Variants in GMFB observed in about 807,000 individuals in gnomAD.
The protein encoded by GMFB is glia maturation factor beta.
A neutral mutation model predicts 25.6 loss-of-function variants in GMFB; 13 were observed. That is an observed-to-expected ratio of 0.51 (90% CI 0.33 to 0.81). GMFB has a LOEUF of 0.81. Among genes scored for constraint, GMFB ranks in the 30% least tolerant of loss-of-function variants. The probability of loss-of-function intolerance (pLI) is 0.02; values close to 1 mark genes in which losing one functional copy is unlikely to be tolerated. For missense variants in GMFB, 146 were observed against 175.4 expected, an observed-to-expected ratio of 0.83 and a Z score of 0.95; for synonymous variants, 57 against 56.9, an observed-to-expected ratio of 1.00 and a Z score of 0.00.
chr14:54,477,188 A>G lies in GMFB; in HGVS notation c.*900T>C, dbSNP rs2031651875. On this transcript the variant is annotated 3_prime_UTR_variant, in exon 7 of 7. Coordinates refer to ENST00000358056, the MANE Select transcript of GMFB (RefSeq NM_004124.3). ...ATTACAAATTTCAGATATACACATT[A>G]GAAAATTATTTTATTTGGACCCTTT... is the stretch of plus-strand genomic sequence containing the variant. The G allele has an allele frequency of 6.6e-6, 1 of 152,504 alleles. No individual in the cohort carries two copies. Among genetic ancestry groups the G allele is most frequent in the African/African-American group, 2.4e-5 (1 of 41,458 alleles). The allele number at this position is 152,504 out of a possible 1,614,324, so 9.4% of individuals were successfully genotyped here.
chr14:54,476,465 G>T lies in GMFB; in HGVS notation c.*1623C>A, dbSNP rs1303539718. On this transcript the variant is annotated 3_prime_UTR_variant, in exon 7 of 7. Transcript: ENST00000358056. ...TCCAATATCAAAATACCTGTTTAAAGAATTTTTAAACTTCCTGGGTGAGTT... is the reference window on the plus strand; with the variant it reads ...TCCAATATCAAAATACCTGTTTAAATAATTTTTAAACTTCCTGGGTGAGTT... The T allele has an allele frequency of 6.6e-6, 1 of 151,832 alleles. No homozygotes were observed. The highest frequency in any genetic ancestry group is 2.4e-5 in the African/African-American group (1 of 41,350). The allele number at this position is 151,832 out of a possible 1,614,324, so 9.4% of individuals were successfully genotyped here.
At position 54,483,976 on chromosome 14, in the gene GMFB, T is replaced by C. The variant is rs1319443209; in HGVS notation, c.4-209A>G. On this transcript the variant is annotated intron_variant, in intron 1 of 6. Coordinates refer to ENST00000358056, the MANE Select transcript of GMFB (RefSeq NM_004124.3). ...TAATCCTACAAATTTGTTCATCTCA[T>C]ATATGTAAGGTATATTTTAACTTTC... 9 of 661,712 alleles carry C rather than the reference T, an allele frequency of 1.4e-5. No homozygotes were observed. In the South Asian group the frequency reaches 1.4e-4, roughly 10 times the overall value. The allele number at this position is 661,712 out of a possible 1,614,324, so 41.0% of individuals were successfully genotyped here. A position where few individuals can be genotyped will look rare whatever the true frequency, so the allele number is the denominator to read the frequency against.
chr14:54,482,222 T>G lies in GMFB; in HGVS notation c.101-20A>C. 1 of 1,559,676 alleles carries G rather than the reference T, an allele frequency of 6.4e-7. No homozygotes were observed. The highest frequency in any genetic ancestry group is 8.8e-7 in the Non-Finnish European group (1 of 1,130,896). On this transcript the variant is annotated intron_variant, in intron 2 of 6. Coordinates refer to ENST00000358056, the MANE Select transcript of GMFB (RefSeq NM_004124.3). ...TCTTCACTAAAATAAAAATCAAGTA[T>G]GAGTAAGCTGGGATTCTAATGTGAC...
rs561888457 is a variant in GMFB, at chr14:54,488,891, C to A, written c.3+34G>T. 4 of 1,548,570 alleles carry A rather than the reference C, an allele frequency of 2.6e-6. No individual in the cohort carries two copies. The African/African-American group carries it at 4.3e-5, about 17-fold the overall frequency. On this transcript the variant is annotated intron_variant, in intron 1 of 6. Transcript: ENST00000358056. The stretch of plus-strand genomic sequence containing the variant: ...AAACCCGGCTGGCCGGCTCGCCCAG[C>A]CCTCCGGCCCCCGCCCTCCCAGCGG...
intron 4 of GMFB, 31 bp downstream of exon 4, chr14:54,481,378 T>C (rs1566497218): frequency 6.8e-7 from 1 of 1,466,734 alleles, no homozygotes; most frequent in South Asian, 1.1e-5. Context: ...CTAAAGAAAA[T>C]AAATCTTTTA....
chr14:54,483,516 T>C (rs1594634319), intron 2 of GMFB, 155 bp downstream of exon 2: 1 of 605,254 alleles, frequency 1.7e-6, no homozygotes, highest in East Asian at 2.8e-5. Context: ...TAGAATTAGC[T>C]GTTACTTATT....
intron 5 of GMFB, 87 bp downstream of exon 5, chr14:54,480,787 C>A: frequency 1.4e-6 from 1 of 712,486 alleles, no homozygotes; most frequent in Non-Finnish European, 2.5e-6. Flanking sequence ...CAATGTTCAT[C>A]TTTAAAAACA....
chr14:54,487,299 A>AGCACTTT (rs201700035), intron 1 of GMFB, among the ~76,000 whole-genome samples: 4,594 of 150,732 alleles, frequency 0.03, 151 homozygotes, highest in East Asian at 0.098. Context: ...TGGGAGGCCG[A>AGCACTTT]GGCAGGTGGA....
chr14:54,481,278 T>C, intron 4 of GMFB, 131 bp downstream of exon 4: 1 of 685,194 alleles, frequency 1.5e-6, no homozygotes, highest in East Asian at 2.7e-5. Context: ...TAGTCTAGTA[T>C]ATGCACACAT....
chr14:54,477,252 G>A lies in GMFB; in HGVS notation c.*836C>T, dbSNP rs1475659361. ...TTTCACCAAATGTGGAATACTGGCA[G>A]TGTAAAAGTCTTAAACTAACTTTAA... On this transcript the variant is annotated 3_prime_UTR_variant, in exon 7 of 7. Transcript: ENST00000358056. The A allele has an allele frequency of 1.3e-5, 2 of 152,438 alleles. No homozygotes were observed. Among genetic ancestry groups the A allele is most frequent in the Non-Finnish European group, 2.9e-5 (2 of 67,898 alleles). 9.4% of individuals were successfully genotyped at this position (152,438 alleles called of 1,614,324 possible).
At chr14:54,482,288 G>A (rs899652463) in intron 2 of GMFB, 86 bp from the exon 3 acceptor site, 16 of 796,424 alleles carry the variant, frequency 2.0e-5, no homozygotes, top group African/African-American at 5.3e-5. Context: ...CTTTTTTTTC[G>A]GACATCTAAA....
At chr14:54,484,500 T>G (rs923611709) in intron 1 of GMFB, among the ~76,000 whole-genome samples, 1 of 151,882 alleles carries the variant, frequency 6.6e-6, no homozygotes, top group Non-Finnish European at 1.5e-5. Context: ...CATGAAGAAA[T>G]AGAAAACCTG....
In GMFB at chr14:54,480,886, A is replaced by G; in HGVS notation, c.271T>C (p.Ser91Pro). Residue 91 changes from serine (S) to proline (P), a missense_variant, in exon 5 of 7, where the codon TCC becomes CCC. Coordinates refer to ENST00000358056, the MANE Select transcript of GMFB (RefSeq NM_004124.3). ...RVSYPLCFIF[S>P]SPVGCKPEQQ... The stretch of plus-strand genomic sequence containing the variant: ...GAAATTCACTTACCAACAGGACTGG[A>G]GAAAATAAAGCACAGAGGATATGAA... The G allele has an allele frequency of 6.7e-7, 1 of 1,495,358 alleles. No homozygotes were observed. The highest frequency in any genetic ancestry group is 9.3e-7 in the Non-Finnish European group (1 of 1,080,448). The allele number at this position is 1,495,358 out of a possible 1,614,324, so 92.6% of individuals were successfully genotyped here.
At chr14:54,487,313 C>A (rs1481722128) in intron 1 of GMFB, among the ~76,000 whole-genome samples, 24 of 150,646 alleles carry the variant, frequency 1.6e-4, no homozygotes, top group Admixed American at 1.5e-3. Context: ...AGGTGGATCA[C>A]GAGGTCAGGA....
At chr14:54,481,362 T>C (rs2140032928) in intron 4 of GMFB, 47 bp downstream of exon 4, 2 of 1,244,584 alleles carry the variant, frequency 1.6e-6, no homozygotes, top group African/African-American at 1.5e-5. Flanking sequence ...CAAACAGGTC[T>C]GACCACTAAA....
rs545669101 is a variant in GMFB, at chr14:54,474,675, A to G, written c.*3413T>C. On this transcript the variant is annotated 3_prime_UTR_variant, in exon 7 of 7. Transcript: ENST00000358056. ...ACAAGACTAAACCATTAATGTTTCAAGCCTCCTGAATGAGATTATCTTGGA... is the reference window on the plus strand; with the variant it reads ...ACAAGACTAAACCATTAATGTTTCAGGCCTCCTGAATGAGATTATCTTGGA... 127 of 152,754 alleles carry G rather than the reference A, an allele frequency of 8.3e-4. No individual in the cohort carries two copies. Among genetic ancestry groups the G allele is most frequent in the African/African-American group, 2.8e-3 (115 of 41,574 alleles). The allele number at this position is 152,754 out of a possible 1,614,324, so 9.5% of individuals were successfully genotyped here.
At chr14:54,487,105 T>C (rs2031793090) in intron 1 of GMFB, among the ~76,000 whole-genome samples, 2 of 152,268 alleles carry the variant, frequency 1.3e-5, no homozygotes, top group Middle Eastern at 3.4e-3. Context: ...TATTAATATA[T>C]AGATCTGGGG....
chr14:54,485,582 C>T (rs1355848589), intron 1 of GMFB, among the ~76,000 whole-genome samples: 1 of 152,144 alleles, frequency 6.6e-6, no homozygotes, highest in Non-Finnish European at 1.5e-5. Context: ...GTTAAAATGT[C>T]CATACTAACC....
chr14:54,480,845 A>G (rs913144420), intron 5 of GMFB, 29 bp downstream of exon 5: 2 of 1,131,116 alleles, frequency 1.8e-6, no homozygotes, highest in African/African-American at 1.6e-5. Context: ...TCTAAGCCAA[A>G]TATGTGTTAT....
Sources: gnomAD v4.1 joint callset for allele counts (sites outside exome capture counted in the v4.1 genomes callset) on GRCh38, gnomAD v4.1.1 for gene constraint, MANE v1.5 for transcripts, NCBI Gene and HGNC (gene_info 2026-07-23, HGNC 2026-07-21) for gene names.